MAPK14: variants seen among roughly 807,000 people sequenced by gnomAD.
The protein encoded by MAPK14 is mitogen-activated protein kinase 14.
In MAPK14, 16 loss-of-function variants were observed where a neutral mutation model predicts 49.6. The observed-to-expected ratio is 0.32, with a 90% CI of 0.22 to 0.49. The LOEUF (loss-of-function observed/expected upper bound fraction) is 0.49, where lower values mean the gene tolerates loss of function less well. Ranked by LOEUF, MAPK14 falls within the 20% of genes least tolerant of loss-of-function variation. The probability of loss-of-function intolerance (pLI) is 0.99; values close to 1 mark genes in which losing one functional copy is unlikely to be tolerated. For synonymous variants in MAPK14, 142 were observed against 158.0 expected (o/e 0.90, Z 0.76); for missense variants, 200 against 441.2 (o/e 0.45, Z 4.90).
At chr6:36,087,386 T>G (rs1036675695) in intron 8 of MAPK14, among the ~76,000 whole-genome samples, 1 of 152,196 alleles carries the variant, frequency 6.6e-6, no homozygotes, top group African/African-American at 2.4e-5. Context: ...GAAAACCTTG[T>G]TGTCTCAGCC....
chr6:36,095,874 G>T (rs1469164839), intron 8 of MAPK14, 113 bp from the exon 9 acceptor site: 4 of 657,688 alleles, frequency 6.1e-6, no homozygotes, highest in South Asian at 5.6e-5. Flanking sequence ...TAGGTTTGGG[G>T]TGTTTCATTT....
intron 1 of MAPK14, among the ~76,000 whole-genome samples, chr6:36,030,619 G>A (rs577269451): frequency 5.3e-5 from 8 of 151,192 alleles, no homozygotes; most frequent in African/African-American, 9.7e-5. Flanking sequence ...CCCGGGAGGC[G>A]GAGGTTGCAA....
intron 1 of MAPK14, among the ~76,000 whole-genome samples, chr6:36,050,417 T>TTTTGTAGGTGGGGCAG (rs1266890914): frequency 4.6e-5 from 7 of 152,118 alleles, no homozygotes; most frequent in African/African-American, 1.7e-4. Context: ...GCATTCAAAA[T>TTTTGTAGGTGGGGCAG]TTTGTAGGTG....
In MAPK14 at chr6:36,096,003, G is replaced by T; in HGVS notation, c.699G>T (p.Lys233Asn). 1 of 1,610,564 alleles carries T rather than the reference G, an allele frequency of 6.2e-7. No individual in the cohort carries two copies. Among genetic ancestry groups the T allele is most frequent in the East Asian group, 2.2e-5 (1 of 44,850 alleles). Residue 233 changes from lysine (K) to asparagine (N), a missense_variant, in exon 9 of 12, where the codon AAG becomes AAT. Lys to Asn is a moderately conservative substitution (Grantham distance 94, BLOSUM62 0). Transcript: ENST00000229794. ...FPGTDHIDQL[K>N]LILRLVGTPG... ...CACCATTAGATATTGATCAGTTGAAGCTCATTTTAAGACTCGTTGGAACCC... is the reference window on the plus strand; with the variant it reads ...CACCATTAGATATTGATCAGTTGAATCTCATTTTAAGACTCGTTGGAACCC...
At chr6:36,080,144 G>A (rs1764695407) in intron 8 of MAPK14, among the ~76,000 whole-genome samples, 1 of 152,014 alleles carries the variant, frequency 6.6e-6, no homozygotes, top group Non-Finnish European at 1.5e-5. Context: ...CACCATGTTA[G>A]CCAGGCTGGT....
intron 8 of MAPK14, among the ~76,000 whole-genome samples, chr6:36,088,203 G>A (rs1281223143): frequency 6.6e-6 from 1 of 152,110 alleles, no homozygotes; most frequent in East Asian, 1.9e-4. Flanking sequence ...ATATCATTAA[G>A]GACATAGACA....
chr6:36,077,606 T>C (rs1764583509), intron 8 of MAPK14, among the ~76,000 whole-genome samples: 1 of 152,168 alleles, frequency 6.6e-6, no homozygotes, highest in African/African-American at 2.4e-5. Context: ...TACCCACGTG[T>C]TCTAACTATC....
At chr6:36,102,914 G>C (rs982531084) in intron 10 of MAPK14, among the ~76,000 whole-genome samples, 1 of 152,188 alleles carries the variant, frequency 6.6e-6, no homozygotes, top group Non-Finnish European at 1.5e-5. Context: ...TAATGGGAAT[G>C]TTGAGAGAAA....
rs139684999 is a variant in MAPK14 at position 36,041,639 on chromosome 6, A to G, written c.117-11060A>G. 6.6e-5 allele frequency among the ~76,000 whole-genome samples: 10 copies of G among 152,358 alleles called. No individual in the cohort carries two copies. The East Asian group carries it at 1.9e-3, about 29-fold the overall frequency. On this transcript the variant is annotated intron_variant, in intron 1 of 11. Transcript: ENST00000229794. ...GGTTCAGTTTAGATATGTGAAGCGGATGTCATCATTAGCACTGATGACTGA... is the reference window on the plus strand; with the variant it reads ...GGTTCAGTTTAGATATGTGAAGCGGGTGTCATCATTAGCACTGATGACTGA...
chr6:36,087,234 G>C (rs1320845059), intron 8 of MAPK14, among the ~76,000 whole-genome samples: 2 of 150,994 alleles, frequency 1.3e-5, no homozygotes, highest in African/African-American at 2.4e-5. Context: ...CTGGCACAAG[G>C]ATGCCCTCTT....
In MAPK14 at chr6:36,108,274, A is replaced by G; in HGVS notation, c.1016-106A>G. The G allele has an allele frequency of 3.7e-6, 3 of 819,852 alleles. No individual in the cohort carries two copies. The South Asian group carries it at 4.3e-5, about 12-fold the overall frequency. 50.8% of individuals were successfully genotyped at this position (819,852 alleles called of 1,614,324 possible). A position where few individuals can be genotyped will look rare whatever the true frequency, so the allele number is the denominator to read the frequency against. On this transcript the variant is annotated intron_variant, in intron 11 of 11. Coordinates refer to ENST00000229794, the MANE Select transcript of MAPK14 (RefSeq NM_139012.3). ...AAGCTGTGAGGTAGCCCATCAAACC[A>G]CTACCTGGACAGAGAGGAAGGATCT...
chr6:36,064,273 C>CCG (rs982945419), intron 3 of MAPK14, among the ~76,000 whole-genome samples: 3 of 116,518 alleles, frequency 2.6e-5, no homozygotes, highest in Non-Finnish European at 5.2e-5. Flanking sequence ...CCACCATGCC[C>CCG]CCCCCCACCC....
Position 36,108,512 on chromosome 6 carries a change from T to A in MAPK14, c.*65T>A, listed in dbSNP as rs906151042. The A allele has an allele frequency of 2.4e-5, 31 of 1,293,192 alleles. No homozygotes were observed. The African/African-American group carries it at 2.6e-4, about 11-fold the overall frequency. The allele number at this position is 1,293,192 out of a possible 1,614,324, so 80.1% of individuals were successfully genotyped here. A position where few individuals can be genotyped will look rare whatever the true frequency, so the allele number is the denominator to read the frequency against. On this transcript the variant is annotated 3_prime_UTR_variant, in exon 12 of 12. Coordinates refer to ENST00000229794, the MANE Select transcript of MAPK14 (RefSeq NM_139012.3). Reference sequence around the variant, plus strand: ...GGGGAAGGCCTTTTCACGGGAACTCTCCAAATATTATTCAAGTGCCTCTTG... The same window carrying A: ...GGGGAAGGCCTTTTCACGGGAACTCACCAAATATTATTCAAGTGCCTCTTG...
chr6:36,108,301 G>GA, intron 11 of MAPK14, 79 bp from the exon 12 acceptor site: 1 of 1,047,748 alleles, frequency 9.5e-7, no homozygotes, highest in East Asian at 2.4e-5. Context: ...GAAGGATCTT[G>GA]AGCTTAGAAG....
At chr6:36,114,810 A>G (rs994584499), downstream of MAPK14, among the ~76,000 whole-genome samples, 4 of 152,198 alleles carry the variant, frequency 2.6e-5, no homozygotes, top group Admixed American at 6.5e-5. Flanking sequence ...GCCATTATCC[A>G]CAGGCAGAAA....
intron 1 of MAPK14, among the ~76,000 whole-genome samples, chr6:36,041,537 T>G (rs1762961219): frequency 6.6e-6 from 1 of 152,214 alleles, no homozygotes. Flanking sequence ...TTGATTACTT[T>G]CCTACACACT....
At chr6:36,053,394 G>A (rs1007444119) in intron 2 of MAPK14, among the ~76,000 whole-genome samples, 5 of 151,346 alleles carry the variant, frequency 3.3e-5, no homozygotes, top group Non-Finnish European at 7.4e-5. Context: ...TATGTCAGAG[G>A]CATTGTTTAA....
the MAPK14 span, among the ~76,000 whole-genome samples, chr6:36,119,377 C>T: frequency 4.3e-3 from 652 of 152,324 alleles, 4 homozygotes; most frequent in Middle Eastern, 0.014. Context: ...TCAGTAAGGG[C>T]AGAAGCTGTA....
At chr6:36,123,992 C>A in the MAPK14 span, among the ~76,000 whole-genome samples, 4 of 152,028 alleles carry the variant, frequency 2.6e-5, no homozygotes, top group South Asian at 8.3e-4. Flanking sequence ...ACAGAGCTGT[C>A]CCCACCCCCG....
Sources: gnomAD v4.1 joint callset for allele counts (sites outside exome capture counted in the v4.1 genomes callset) on GRCh38, gnomAD v4.1.1 for gene constraint, MANE v1.5 for transcripts, NCBI Gene and HGNC (gene_info 2026-07-23, HGNC 2026-07-21) for gene names.